GRIK1: variants seen among roughly 807,000 people sequenced by gnomAD.
GRIK1 encodes glutamate ionotropic receptor kainate type subunit 1.
Under a neutral mutation model 105.7 loss-of-function variants are expected in GRIK1, and 69 were observed. That is an observed-to-expected ratio of 0.65 (90% CI 0.54 to 0.80). The LOEUF (loss-of-function observed/expected upper bound fraction) is 0.80, where lower values mean the gene tolerates loss of function less well. GRIK1 is among the 30% of genes least tolerant of loss of function. The pLI is 0.00. For synonymous variants in GRIK1, 438 were observed against 431.3 expected (o/e 1.02, Z -0.19); for missense variants, 1,109 against 1,167.3 (o/e 0.95, Z 0.73).
chr21:29,565,213 A>G (rs1030921843), intron 14 of GRIK1, among the ~76,000 whole-genome samples: 1 of 152,224 alleles, frequency 6.6e-6, no homozygotes, highest in Non-Finnish European at 1.5e-5. Flanking sequence ...AATGGGAGCA[A>G]GAAGAGCAGC....
intron 1 of GRIK1, among the ~76,000 whole-genome samples, 187 bp downstream of exon 1, chr21:29,939,196 A>T (rs911750313): frequency 6.6e-6 from 1 of 152,150 alleles, no homozygotes. Flanking sequence ...GAAGGCCGGC[A>T]CCCTCCAGGA....
Position 29,587,496 on chromosome 21 carries a change from T to C in GRIK1, c.1663A>G (p.Ile555Val), listed in dbSNP as rs2091155011. ...GTACCATTGGGCTTCCGGTAGAGAA[T>C]GCTGATGCCTAGGGTCATGAAGGGT... ...SKPFMTLGIS[I>V]LYRKPNGTNP... is the part of the protein sequence containing the mutation. Residue 555 changes from isoleucine to valine, a missense_variant, in exon 12 of 18, where the codon ATT becomes GTT. This residue lies in a region of GRIK1 where 264 missense variants were observed against 306.9 expected (regional missense o/e 0.86). Transcript: ENST00000327783. 6.2e-7 allele frequency: 1 copy of C among 1,613,206 alleles called. No homozygotes were observed.
chr21:29,834,009 A>G (rs1355074764), intron 1 of GRIK1, among the ~76,000 whole-genome samples: 7 of 152,192 alleles, frequency 4.6e-5, no homozygotes, highest in South Asian at 2.1e-4. Flanking sequence ...ATATAATTGT[A>G]TACAAATGTA....
At chr21:29,920,040 G>A (rs1002541770) in intron 1 of GRIK1, among the ~76,000 whole-genome samples, 1 of 152,090 alleles carries the variant, frequency 6.6e-6, no homozygotes, top group African/African-American at 2.4e-5. Context: ...AGGCAGAATA[G>A]AAGAAGAATC....
intron 1 of GRIK1, among the ~76,000 whole-genome samples, chr21:29,830,137 G>A (rs2067584501): frequency 6.6e-6 from 1 of 151,894 alleles, no homozygotes; most frequent in African/African-American, 2.4e-5. Flanking sequence ...TCTACACATA[G>A]GATCTTTCCA....
intron 7 of GRIK1, among the ~76,000 whole-genome samples, chr21:29,625,916 A>G (rs2062117843): frequency 6.6e-6 from 1 of 152,164 alleles, no homozygotes; most frequent in Admixed American, 6.5e-5. Context: ...TTATGGGCAA[A>G]GTTGTGTCCC....
chr21:29,572,478 G>C (rs1169399262), intron 14 of GRIK1, among the ~76,000 whole-genome samples: 2 of 151,888 alleles, frequency 1.3e-5, no homozygotes, highest in Admixed American at 6.6e-5. Flanking sequence ...CCCTCTCTCT[G>C]ATAGAAATCC....
chr21:29,740,549 T>A (rs1447817875), intron 1 of GRIK1, among the ~76,000 whole-genome samples: 1 of 152,100 alleles, frequency 6.6e-6, no homozygotes, highest in Non-Finnish European at 1.5e-5. Flanking sequence ...AACCACCCCA[T>A]GAGGCAGCTC....
At chr21:29,669,941 T>G (rs887996470) in intron 4 of GRIK1, among the ~76,000 whole-genome samples, 1 of 152,114 alleles carries the variant, frequency 6.6e-6, no homozygotes, top group Non-Finnish European at 1.5e-5. Context: ...CTGGATCACA[T>G]AGAGTGCTTG....
rs563426030 is a variant in GRIK1 at position 29,849,972 on chromosome 21, C to T, written c.118+89411G>A. ...CTGGAGATACTCTCTCTCACCCTCT[C>T]ATATGTGTGTGGAGTGAGAGAACAA... On this transcript the variant is annotated intron_variant, in intron 1 of 17. Coordinates refer to ENST00000327783, the MANE Select transcript of GRIK1 (RefSeq NM_001330994.2). Among the ~76,000 whole-genome samples the T allele has an allele frequency of 1.5e-3, 225 of 152,290 alleles. 1 individual carries two copies. Among genetic ancestry groups the T allele is most frequent in the African/African-American group, 5.3e-3 (221 of 41,556 alleles).
intron 6 of GRIK1, among the ~76,000 whole-genome samples, chr21:29,649,940 C>T (rs199519986): frequency 1.3e-5 from 2 of 152,094 alleles, no homozygotes; most frequent in East Asian, 1.9e-4. Flanking sequence ...AGAGAAAAAC[C>T]GATCTATTAG....
chr21:29,558,021 C>G (rs529035816), intron 15 of GRIK1, among the ~76,000 whole-genome samples: 15 of 152,248 alleles, frequency 9.9e-5, no homozygotes, highest in African/African-American at 3.4e-4. Flanking sequence ...AAGTTGGTCT[C>G]TGAGAAAGAT....
At chr21:29,788,388 A>C (rs2066319470) in intron 1 of GRIK1, among the ~76,000 whole-genome samples, 1 of 152,210 alleles carries the variant, frequency 6.6e-6, no homozygotes, top group African/African-American at 2.4e-5. Flanking sequence ...GAAGTCTTTG[A>C]GCAGGAACAT....
chr21:29,825,872 G>T, intron 1 of GRIK1, among the ~76,000 whole-genome samples: 1 of 151,980 alleles, frequency 6.6e-6, no homozygotes, highest in East Asian at 1.9e-4. Flanking sequence ...CTGAAAAATC[G>T]TATTTGAATG....
chr21:29,572,525 CAT>C, intron 14 of GRIK1, among the ~76,000 whole-genome samples: 1 of 152,254 alleles, frequency 6.6e-6, no homozygotes, highest in Admixed American at 6.5e-5. Context: ...TTATTGAAAA[CAT>C]AGTTTTCTGA....
rs114966363 is a variant in GRIK1 at position 29,770,112 on chromosome 21, G to A, written c.119-76049C>T. Among the ~76,000 whole-genome samples, 1,121 of 152,214 alleles carry A rather than the reference G, an allele frequency of 7.4e-3. 13 individuals are homozygous for A. Among genetic ancestry groups the A allele is most frequent in the African/African-American group, 0.026 (1,075 of 41,528 alleles). ...GGGGAGATCTTCTCTATCAGTAACT[G>A]CATAGTTCTTCTTTCAACTGATACA... On this transcript the variant is annotated intron_variant, in intron 1 of 17. Coordinates refer to ENST00000327783, the MANE Select transcript of GRIK1 (RefSeq NM_001330994.2).
intron 1 of GRIK1, among the ~76,000 whole-genome samples, chr21:29,783,400 TG>T (rs1278640051): frequency 6.6e-6 from 1 of 152,200 alleles, no homozygotes; most frequent in Admixed American, 6.5e-5. Context: ...CAGGTTTTTT[TG>T]TTTGCTTTAA....
intron 10 of GRIK1, 135 bp from the exon 11 acceptor site, chr21:29,589,177 C>T: frequency 1.6e-6 from 1 of 619,570 alleles, no homozygotes; most frequent in Non-Finnish European, 2.9e-6. Flanking sequence ...CACTCATCTG[C>T]CTGCCTATGT....
At position 29,897,107 on chromosome 21, in the gene GRIK1, TACAC is replaced by T. The variant is rs2070197536; in HGVS notation, c.118+42272_118+42275del. Among the ~76,000 whole-genome samples the T allele has an allele frequency of 2.0e-5, 3 of 152,342 alleles. No homozygotes were observed. The South Asian group carries it at 6.2e-4, about 32-fold the overall frequency. ...TCCTGTGTGCATGTGTGTGTGCACATACACACAATCTCGACCTGATAATTTTTCA... is the reference window on the plus strand; with the variant it reads ...TCCTGTGTGCATGTGTGTGTGCACATACAATCTCGACCTGATAATTTTTCA... On this transcript the variant is annotated intron_variant, in intron 1 of 17. Transcript: ENST00000327783.
Sources: allele counts gnomAD v4.1 joint callset (sites outside exome capture counted in the v4.1 genomes callset), GRCh38; gene constraint gnomAD v4.1.1; regional missense constraint gnomAD v4.1.1; transcripts MANE v1.5; gene names NCBI Gene and HGNC (gene_info 2026-07-23, HGNC 2026-07-21).